The following CSMD3 variants were observed in gnomAD, a reference collection of about 807,000 sequenced individuals.
CSMD3 encodes the protein CUB and Sushi multiple domains 3, also known as CUB and sushi domain-containing protein 3.
Under a neutral mutation model 435.2 loss-of-function variants are expected in CSMD3, and 177 were observed. The ratio of observed to expected loss-of-function variants is 0.41; its 90% confidence interval spans 0.36 to 0.46. CSMD3 has a LOEUF of 0.46. Among genes scored for constraint, CSMD3 ranks in the 20% least tolerant of loss-of-function variants. The pLI, the probability that CSMD3 is intolerant of heterozygous loss-of-function variation, is 0.34. For synonymous variants in CSMD3, 1,656 were observed against 1,520.5 expected (o/e 1.09, Z -2.07); for missense variants, 4,265 against 4,504.6 (o/e 0.95, Z 1.52).
At chr8:113,295,302 A>G (rs2093712462) in intron 2 of CSMD3, among the ~76,000 whole-genome samples, 1 of 152,190 alleles carries the variant, frequency 6.6e-6, no homozygotes, top group Non-Finnish European at 1.5e-5. Context: ...TGGAAGAACT[A>G]TAATTCAAAA....
At chr8:112,446,889 C>T (rs1815667430) in intron 32 of CSMD3, among the ~76,000 whole-genome samples, 1 of 152,026 alleles carries the variant, frequency 6.6e-6, no homozygotes, top group Non-Finnish European at 1.5e-5. Context: ...TGGGCTAGTT[C>T]TTATCATTTG....
intron 67 of CSMD3, 101 bp from the exon 68 acceptor site, chr8:112,234,578 T>C: frequency 2.6e-6 from 2 of 765,474 alleles, no homozygotes; most frequent in Non-Finnish European, 4.5e-6. Flanking sequence ...AGATATGTAA[T>C]TAAAAAAAGA....
chr8:112,444,333 GA>G (rs1236963071), intron 32 of CSMD3, among the ~76,000 whole-genome samples: 1 of 152,146 alleles, frequency 6.6e-6, no homozygotes, highest in African/African-American at 2.4e-5. Context: ...CCTTCCCTGT[GA>G]CCCAGCAATT....
At chr8:112,595,315 A>G (rs1370322565) in intron 22 of CSMD3, among the ~76,000 whole-genome samples, 1 of 151,050 alleles carries the variant, frequency 6.6e-6, no homozygotes, top group Non-Finnish European at 1.5e-5. Flanking sequence ...AGTTTAGAGA[A>G]AAAAGAATAA....
At chr8:112,618,080 C>A (rs535484044) in intron 22 of CSMD3, among the ~76,000 whole-genome samples, 84 of 152,112 alleles carry the variant, frequency 5.5e-4, no homozygotes, top group Admixed American at 9.2e-4. Context: ...AAAGAAAATT[C>A]TCTGGATTAA....
intron 3 of CSMD3, among the ~76,000 whole-genome samples, chr8:113,184,993 G>A (rs2092477620): frequency 6.6e-6 from 1 of 151,980 alleles, no homozygotes; most frequent in Non-Finnish European, 1.5e-5. Context: ...TCACTGTGCT[G>A]GTCTAGATTG....
chr8:113,101,577 C>T lies in CSMD3; in HGVS notation c.710-2614G>A, dbSNP rs531540608. Among the ~76,000 whole-genome samples the T allele has an allele frequency of 5.3e-5, 8 of 152,136 alleles. No homozygotes were observed. The South Asian group carries it at 1.7e-3, about 32-fold the overall frequency. On this transcript the variant is annotated intron_variant, in intron 4 of 70. Transcript: ENST00000297405. ...CACAATGCTGATAAATAACTCTACA[C>T]TCCTGACACATGGAAGAGAGAACAA... is the stretch of plus-strand genomic sequence containing the variant.
chr8:112,881,148 C>A (rs12680710), intron 10 of CSMD3, among the ~76,000 whole-genome samples: 1 of 151,744 alleles, frequency 6.6e-6, no homozygotes, highest in South Asian at 2.1e-4. Context: ...CCTTCATGCA[C>A]CTCACGTTAC....
chr8:112,956,423 T>C (rs191879998), intron 7 of CSMD3, among the ~76,000 whole-genome samples: 147 of 152,234 alleles, frequency 9.7e-4, no homozygotes, highest in African/African-American at 3.3e-3. Context: ...TTTAACAAAA[T>C]CTGCATTTTG....
At chr8:112,716,330 A>G (rs2076727874) in intron 13 of CSMD3, among the ~76,000 whole-genome samples, 1 of 152,144 alleles carries the variant, frequency 6.6e-6, no homozygotes, top group Non-Finnish European at 1.5e-5. Context: ...CACAATTGCT[A>G]CGAAGAGAAT....
intron 4 of CSMD3, among the ~76,000 whole-genome samples, chr8:113,155,855 T>G (rs1281821179): frequency 1.3e-5 from 2 of 152,056 alleles, no homozygotes; most frequent in African/African-American, 4.8e-5. Context: ...TTTAGGCTTC[T>G]CAGTCCTCCA....
At chr8:112,320,411 A>G (rs1440959372) in intron 45 of CSMD3, among the ~76,000 whole-genome samples, 2 of 152,162 alleles carry the variant, frequency 1.3e-5, no homozygotes, top group Non-Finnish European at 2.9e-5. Flanking sequence ...TTTATTCCAG[A>G]CAGTATTATA....
chr8:113,105,894 T>G (rs550648752), intron 4 of CSMD3, among the ~76,000 whole-genome samples: 2 of 150,096 alleles, frequency 1.3e-5, no homozygotes. Context: ...AAAAAAAAAG[T>G]ACTAGCCATG....
At chr8:113,033,865 G>A (rs986913581) in intron 5 of CSMD3, among the ~76,000 whole-genome samples, 19 of 151,424 alleles carry the variant, frequency 1.3e-4, no homozygotes, top group Non-Finnish European at 1.2e-4. Context: ...CTGGTGGGAG[G>A]TGATTGGATC....
chr8:112,356,666 G>A (rs1328505481), intron 38 of CSMD3, among the ~76,000 whole-genome samples: 1 of 151,674 alleles, frequency 6.6e-6, no homozygotes, highest in Non-Finnish European at 1.5e-5. Flanking sequence ...CCTGGTGGGA[G>A]GTAACTGAAT....
chr8:113,287,510 C>G (rs1026836491), intron 2 of CSMD3, among the ~76,000 whole-genome samples: 3 of 151,934 alleles, frequency 2.0e-5, no homozygotes, highest in Non-Finnish European at 2.9e-5. Context: ...ATGGCTGTGG[C>G]AACATTTGAA....
chr8:113,214,437 A>G (rs1013625181), intron 3 of CSMD3, among the ~76,000 whole-genome samples: 1 of 151,964 alleles, frequency 6.6e-6, no homozygotes, highest in African/African-American at 2.4e-5. Flanking sequence ...TGATACTGGC[A>G]TCAGTATTAC....
rs566624235 is a variant in CSMD3, at chr8:113,190,272, G to T, written c.515-16356C>A. Among the ~76,000 whole-genome samples, 49 of 151,820 alleles carry T rather than the reference G, an allele frequency of 3.2e-4. No homozygotes were observed. The South Asian group carries it at 5.4e-3, about 17-fold the overall frequency. ...TGAGGTAAACTTGTGAGCAGGTGGT[G>T]GAGAGGAAACCCAGATAATAAATAC... On this transcript the variant is annotated intron_variant, in intron 3 of 70. Transcript: ENST00000297405.
At chr8:112,749,423 T>C (rs903131966) in intron 13 of CSMD3, among the ~76,000 whole-genome samples, 1 of 152,136 alleles carries the variant, frequency 6.6e-6, no homozygotes, top group East Asian at 1.9e-4. Flanking sequence ...CCCGTTCCTA[T>C]GTCCAGGATG....
Sources: allele counts gnomAD v4.1 joint callset (sites outside exome capture counted in the v4.1 genomes callset), GRCh38; gene constraint gnomAD v4.1.1; transcripts MANE v1.5; gene names NCBI Gene and HGNC (gene_info 2026-07-23, HGNC 2026-07-21).